The following FRMPD2 variants were observed in gnomAD, a reference collection of about 807,000 sequenced individuals.
FRMPD2 encodes the protein FERM and PDZ domain containing 2.
A neutral mutation model predicts 140.1 loss-of-function variants in FRMPD2; 96 were observed. That is an observed-to-expected ratio of 0.69 (90% CI 0.58 to 0.81). The LOEUF (loss-of-function observed/expected upper bound fraction) is 0.81. Ranked by LOEUF, FRMPD2 falls within the 40% of genes least tolerant of loss-of-function variation. The pLI, the probability that FRMPD2 is intolerant of heterozygous loss-of-function variation, is 0.00. For missense variants in FRMPD2, 1,240 were observed against 1,447.4 expected (o/e 0.86, Z 2.32); for synonymous variants, 449 against 547.6 (o/e 0.82, Z 2.52).
rs1839650425 is a variant in FRMPD2, at chr10:48,223,227, T to A, written c.1212A>T (p.Lys404Asn). Residue 404 changes from lysine to asparagine, a missense_variant, in exon 11 of 29, where the codon AAA (lysine) becomes AAT (asparagine). Lys to Asn is a moderately conservative substitution (Grantham distance 94). Around this residue, in one of 6 missense-constraint regions of FRMPD2, gnomAD observed 1,161 missense variants for 1,055.9 expected, o/e 1.10. Transcript: ENST00000374201. ...GCTCTCTCCAGCCTTCAGGAGCTAT[T>A]TTGCACAATCTGGTTTCACTGTCCA... ...FFLDSETRLC[K>N]IAPEGWREQP... 6.2e-7 allele frequency: 1 copy of A among 1,614,006 alleles called. No individual in the cohort carries two copies.
At chr10:48,226,529 G>A (rs1407230726) in intron 10 of FRMPD2, among the ~76,000 whole-genome samples, 1 of 152,170 alleles carries the variant, frequency 6.6e-6, no homozygotes, top group African/African-American at 2.4e-5. Flanking sequence ...GCACTTTTAA[G>A]CGCACTTTTA....
At chr10:48,166,534 C>T (rs1221412297) in intron 27 of FRMPD2, among the ~76,000 whole-genome samples, 3 of 122,970 alleles carry the variant, frequency 2.4e-5, no homozygotes, top group Admixed American at 7.9e-5. Flanking sequence ...CCTCTGATCC[C>T]CAAGGCCCTC....
chr10:48,271,437 G>T (rs189503764), intron 1 of FRMPD2, among the ~76,000 whole-genome samples: 1 of 152,302 alleles, frequency 6.6e-6, no homozygotes, highest in African/African-American at 2.4e-5. Context: ...AACCCATCTT[G>T]AATCTATTGA....
At chr10:48,209,633 A>G (rs1224160096) in intron 13 of FRMPD2, among the ~76,000 whole-genome samples, 1 of 152,256 alleles carries the variant, frequency 6.6e-6, no homozygotes, top group African/African-American at 2.4e-5. Flanking sequence ...ACGGCCTTCC[A>G]GGCATTTATA....
intron 24 of FRMPD2, among the ~76,000 whole-genome samples, chr10:48,174,426 G>A (rs1170624514): frequency 2.6e-5 from 4 of 152,228 alleles, no homozygotes; most frequent in African/African-American, 9.6e-5. Context: ...ACGCCCTGGT[G>A]GGTACAACAC....
At chr10:48,159,381 C>T (rs1175686519) in intron 28 of FRMPD2, 2 of 412,230 alleles carry the variant, frequency 4.9e-6, no homozygotes, top group Non-Finnish European at 9.7e-6. Flanking sequence ...CAAGGATAGC[C>T]CTGGGAGCCT....
At chr10:48,237,903 C>T (rs1297980607) in intron 8 of FRMPD2, 88 bp downstream of exon 8, 8 of 1,495,962 alleles carry the variant, frequency 5.3e-6, no homozygotes, top group Non-Finnish European at 6.5e-6. Context: ...CCTAGAAGAC[C>T]CTGCCCATTT....
chr10:48,235,912 A>T (rs763067049), intron 9 of FRMPD2, among the ~76,000 whole-genome samples: 38 of 152,174 alleles, frequency 2.5e-4, no homozygotes, highest in Middle Eastern at 3.4e-3. Context: ...CCTTCCTGAA[A>T]AGCCCACAAG....
At chr10:48,196,251 T>G (rs948566603) in intron 15 of FRMPD2, among the ~76,000 whole-genome samples, 1 of 152,060 alleles carries the variant, frequency 6.6e-6, no homozygotes, top group Non-Finnish European at 1.5e-5. Context: ...GAGTGGGAAG[T>G]GTCTGGCATG....
intron 1 of FRMPD2, among the ~76,000 whole-genome samples, chr10:48,265,236 T>C (rs192283560): frequency 2.1e-4 from 32 of 152,256 alleles, no homozygotes; most frequent in Admixed American, 2.1e-3. Context: ...AAAACTTAAA[T>C]GTAAGACCCA....
intron 12 of FRMPD2, among the ~76,000 whole-genome samples, chr10:48,216,486 C>G (rs1169391337): frequency 6.6e-6 from 1 of 152,180 alleles, no homozygotes; most frequent in African/African-American, 2.4e-5. Flanking sequence ...AAACTCCCAC[C>G]TGCCTCCAGT....
At chr10:48,193,722 G>A (rs1838892134) in intron 15 of FRMPD2, among the ~76,000 whole-genome samples, 1 of 152,150 alleles carries the variant, frequency 6.6e-6, no homozygotes, top group Non-Finnish European at 1.5e-5. Context: ...ACATGGTAGT[G>A]GTGTGGCTCC....
At chr10:48,253,164 G>C (rs1434396063) in intron 1 of FRMPD2, among the ~76,000 whole-genome samples, 2 of 152,186 alleles carry the variant, frequency 1.3e-5, no homozygotes, top group Non-Finnish European at 2.9e-5. Context: ...TTCTAGGCTG[G>C]TGTGGATAGT....
intron 13 of FRMPD2, among the ~76,000 whole-genome samples, chr10:48,210,949 C>T (rs1259482488): frequency 6.6e-6 from 1 of 152,256 alleles, no homozygotes; most frequent in African/African-American, 2.4e-5. Flanking sequence ...GCTTGTATCC[C>T]ATCCTGGGGA....
At chr10:48,268,869 A>C (rs1840720207) in intron 1 of FRMPD2, among the ~76,000 whole-genome samples, 2 of 152,240 alleles carry the variant, frequency 1.3e-5, no homozygotes, top group Admixed American at 1.3e-4. Flanking sequence ...TGCTGTAGTT[A>C]GGTAAGATAT....
At chr10:48,270,750 TC>T (rs762674874) in intron 1 of FRMPD2, among the ~76,000 whole-genome samples, 9 of 151,926 alleles carry the variant, frequency 5.9e-5, no homozygotes, top group Non-Finnish European at 1.0e-4. Flanking sequence ...CAAATGGCAT[TC>T]CCACCACCTA....
chr10:48,235,370 A>G (rs1265176402), intron 9 of FRMPD2, among the ~76,000 whole-genome samples: 1 of 152,246 alleles, frequency 6.6e-6, no homozygotes, highest in African/African-American at 2.4e-5. Context: ...GGCCCCTGTC[A>G]GGCAGGCATC....
At chr10:48,176,668 A>T (rs1374366992) in intron 22 of FRMPD2, among the ~76,000 whole-genome samples, 1 of 151,520 alleles carries the variant, frequency 6.6e-6, no homozygotes, top group Admixed American at 6.6e-5. Flanking sequence ...CAGCAAATAT[A>T]TATTTGTGAA....
At chr10:48,242,821 C>T (rs1001511292) in intron 4 of FRMPD2, among the ~76,000 whole-genome samples, 18 of 152,184 alleles carry the variant, frequency 1.2e-4, no homozygotes, top group African/African-American at 2.4e-4. Flanking sequence ...CTGTTCACTT[C>T]GGAACAGCCA....
Sources: allele counts gnomAD v4.1 joint callset (sites outside exome capture counted in the v4.1 genomes callset), GRCh38; gene constraint gnomAD v4.1.1; regional missense constraint gnomAD v4.1.1; transcripts MANE v1.5; gene names NCBI Gene and HGNC (gene_info 2026-07-23, HGNC 2026-07-21).